The following WDR46 variants were observed in gnomAD, a reference collection of about 807,000 sequenced individuals.
The protein encoded by WDR46 is WD repeat-containing protein 46.
In WDR46, 58 loss-of-function variants were observed where a neutral mutation model predicts 74.7. The ratio of observed to expected loss-of-function variants is 0.78; its 90% CI spans 0.63 to 0.97. The LOEUF (loss-of-function observed/expected upper bound fraction) is 0.97. WDR46 is among the 50% of genes least tolerant of loss of function. The pLI is 0.00. For missense variants in WDR46, 702 were observed against 790.1 expected (o/e 0.89, Z 1.34); for synonymous variants, 278 against 297.3 (o/e 0.93, Z 0.67).
In WDR46 at chr6:33,280,424, T is replaced by C. The variant is rs1231639520; in HGVS notation, c.1524+4A>G. ...TCTCACCCTCTCCAGCAGGGGAGCC[T>C]CACCTTCTCTAGCAGGGCCTTCACC... On this transcript the variant is annotated splice_donor_region_variant and intron_variant, in intron 12 of 14. Coordinates refer to ENST00000374617, the MANE Select transcript of WDR46 (RefSeq NM_005452.6). The C allele has an allele frequency of 6.4e-7, 1 of 1,567,856 alleles. No individual in the cohort carries two copies. The highest frequency in any genetic ancestry group is 8.7e-7 in the Non-Finnish European group (1 of 1,154,868).
intron 10 of WDR46, among the ~76,000 whole-genome samples, chr6:33,286,002 A>G (rs1766591019): frequency 6.6e-6 from 1 of 151,630 alleles, no homozygotes; most frequent in Admixed American, 6.6e-5. Context: ...TTAGCTGGGC[A>G]TGATGGCAGG....
chr6:33,288,234 A>G lies in WDR46; in HGVS notation c.475T>C (p.Phe159Leu). 6.2e-7 allele frequency: 1 copy of G among 1,614,120 alleles called. No individual in the cohort carries two copies. Among genetic ancestry groups the G allele is most frequent in the East Asian group, 2.2e-5 (1 of 44,884 alleles). Reference protein sequence around the residue: ...SELLLAEEPGFLEGEDGEDTA... With the variant: ...SELLLAEEPGLLEGEDGEDTA... ...TCTTCCCCATCCTCCCCTTCCAGAA[A>G]CCTGAAAGCAAGGGTTAGGATGGCA... The change falls in exon 5 of 15, where the codon TTT becomes CTT. Residue 159 changes from phenylalanine to leucine, a missense_variant and splice_region_variant. By Grantham distance (22) the Phe-to-Leu change is conservative. Transcript: ENST00000374617.
intron 10 of WDR46, among the ~76,000 whole-genome samples, chr6:33,283,522 A>G (rs1374109946): frequency 6.6e-6 from 1 of 152,176 alleles, no homozygotes; most frequent in African/African-American, 2.4e-5. Flanking sequence ...AGAGCAGGTC[A>G]AGAGAAACTT....
At chr6:33,284,250 A>T (rs1766430726) in intron 10 of WDR46, 1 of 118,528 alleles carries the variant, frequency 8.4e-6, no homozygotes, top group African/African-American at 5.0e-5. Flanking sequence ...ACTCTGTCTC[A>T]AAAAAAAAAA....
At chr6:33,287,272 T>G (rs1251188206) in intron 8 of WDR46, 46 bp from the exon 9 acceptor site, 2 of 1,612,694 alleles carry the variant, frequency 1.2e-6, no homozygotes, top group Non-Finnish European at 1.7e-6. Context: ...GATTGCCCTC[T>G]GTATTCCCTC....
chr6:33,279,142 A>G lies in WDR46; in HGVS notation c.*134T>C. ...TCGCTTTCCTCTTTAATACCAACCC[A>G]CCCCAGGAGACAGCTGTCCACCCCC... is the stretch of plus-strand genomic sequence containing the variant. On this transcript the variant is annotated 3_prime_UTR_variant, in exon 15 of 15. Coordinates refer to ENST00000374617, the MANE Select transcript of WDR46 (RefSeq NM_005452.6). The G allele has an allele frequency of 7.8e-7, 1 of 1,289,396 alleles. No individual in the cohort carries two copies. The allele number at this position is 1,289,396 out of a possible 1,614,324, so 79.9% of individuals were successfully genotyped here.
chr6:33,286,036 G>A lies in WDR46; in HGVS notation c.1115+759C>T, dbSNP rs545977991. 2.4e-3 allele frequency among the ~76,000 whole-genome samples: 371 copies of A among 152,118 alleles called. 3 individuals are homozygous for A. The highest frequency in any genetic ancestry group is 4.4e-3 in the Non-Finnish European group (300 of 67,988). On this transcript the variant is annotated intron_variant, in intron 10 of 14. Coordinates refer to ENST00000374617, the MANE Select transcript of WDR46 (RefSeq NM_005452.6). ...GGTGCCTGTAATCCCAGCTACTTGG[G>A]AGACTGAGGCAGGAGAATCGCTTGA...
At chr6:33,279,712 A>G in intron 13 of WDR46, 52 bp downstream of exon 13, 1 of 1,612,262 alleles carries the variant, frequency 6.2e-7, no homozygotes, top group South Asian at 1.1e-5. Flanking sequence ...CATGGTGGGG[A>G]GAGGATGTGG....
chr6:33,283,859 C>G, intron 10 of WDR46, among the ~76,000 whole-genome samples: 1 of 152,026 alleles, frequency 6.6e-6, no homozygotes, highest in Non-Finnish European at 1.5e-5. Context: ...GATCGCGCCA[C>G]TGCACTCCAG....
intron 10 of WDR46, among the ~76,000 whole-genome samples, chr6:33,286,186 C>T (rs1003567927): frequency 6.6e-6 from 1 of 151,722 alleles, no homozygotes; most frequent in Non-Finnish European, 1.5e-5. Flanking sequence ...GTGGCTCACG[C>T]CTATAATCCC....
chr6:33,288,247 G>A lies in WDR46; in HGVS notation c.474-12C>T, dbSNP rs756507871. On this transcript the variant is annotated splice_polypyrimidine_tract_variant and intron_variant, in intron 4 of 14. Transcript: ENST00000374617. ...CCCCTTCCAGAAACCTGAAAGCAAG[G>A]GTTAGGATGGCAGTAAAGCTTCCCA... The A allele has an allele frequency of 1.2e-6, 2 of 1,614,064 alleles. No homozygotes were observed. The highest frequency in any genetic ancestry group is 2.7e-5 in the African/African-American group (2 of 74,906).
At chr6:33,284,395 T>C (rs953647697) in intron 10 of WDR46, 1 of 153,740 alleles carries the variant, frequency 6.5e-6, no homozygotes, top group Non-Finnish European at 1.5e-5. Flanking sequence ...GAATACCTGA[T>C]GACAAAAGGA....
intron 10 of WDR46, 137 bp from the exon 11 acceptor site, chr6:33,281,124 C>T (rs1388463644): frequency 1.3e-6 from 1 of 798,104 alleles, no homozygotes; most frequent in African/African-American, 1.7e-5. Context: ...CTGAACACTC[C>T]ACAGGCATCC....
chr6:33,282,341 G>GA (rs111985703), intron 10 of WDR46, among the ~76,000 whole-genome samples: 7,852 of 152,254 alleles, frequency 0.052, 455 homozygotes, highest in African/African-American at 0.14. Flanking sequence ...TTACCAAAGA[G>GA]AAAGGCCATC....
chr6:33,288,317 C>G, intron 4 of WDR46, 41 bp downstream of exon 4: 1 of 1,613,684 alleles, frequency 6.2e-7, no homozygotes. Flanking sequence ...AAGACAGTCC[C>G]AAAAGGCAGG....
chr6:33,288,849 T>A lies in WDR46; in HGVS notation c.234A>T (p.Lys78Asn). 5 of 1,613,942 alleles carry A rather than the reference T, an allele frequency of 3.1e-6. No homozygotes were observed. Among genetic ancestry groups the A allele is most frequent in the South Asian group, 1.1e-5 (1 of 91,062 alleles). Residue 78 changes from lysine to asparagine, a missense_variant, in exon 2 of 15, where the codon AAA becomes AAT. By Grantham distance (94) the Lys-to-Asn change is moderately conservative (BLOSUM62 0). Transcript: ENST00000374617. ...ACTCCGGGTTCTTCCATTCTCGGGG[T>A]TTCTTCGGGACCTGAGGCTTCTTAG... ...RISKKPQVPK[K>N]PREWKNPESQ...
rs753074176 is a variant in WDR46, at chr6:33,288,471, C to T, written c.361-1G>A. 39 of 1,613,962 alleles carry T rather than the reference C, an allele frequency of 2.4e-5. No individual in the cohort carries two copies. The highest frequency in any genetic ancestry group is 3.1e-5 in the Non-Finnish European group (36 of 1,180,020). On this transcript the variant is annotated splice_acceptor_variant, in intron 3 of 14. Transcript: ENST00000374617. LOFTEE classifies it high-confidence loss of function. ...GAGTTTTGGCTTTAGAATGTGGTAG[C>T]TGTAACATTGTTGGTGGGGAGGAGT...
chr6:33,287,251 G>A (rs377503145), intron 8 of WDR46, 25 bp from the exon 9 acceptor site: 68 of 1,613,130 alleles, frequency 4.2e-5, no homozygotes, highest in Non-Finnish European at 5.8e-5. Context: ...CAGAGAGAAT[G>A]ACCCAGTCCT....
chr6:33,279,800 G>A lies in WDR46; in HGVS notation c.1584C>T (p.Ser528=). 6.2e-7 allele frequency: 1 copy of A among 1,614,102 alleles called. No homozygotes were observed. The highest frequency in any genetic ancestry group is 1.1e-5 in the South Asian group (1 of 91,082). ...TCTGCTCCTTCTTTCCCTGCTCCAGGGAGATGACATCCACCTCGGCCAGGG... is the reference window on the plus strand; with the variant it reads ...TCTGCTCCTTCTTTCCCTGCTCCAGAGAGATGACATCCACCTCGGCCAGGG... The part of the protein sequence containing the change: ...PRALAEVDVI[S]LEQGKKEQIE... The change falls in exon 13 of 15, where the codon TCC becomes TCT. Residue 528 remains serine, a synonymous_variant. Transcript: ENST00000374617.
Sources: allele counts gnomAD v4.1 joint callset (sites outside exome capture counted in the v4.1 genomes callset), GRCh38; gene constraint gnomAD v4.1.1; transcripts MANE v1.5; gene names NCBI Gene and HGNC (gene_info 2026-07-23, HGNC 2026-07-21).